MED27: variants seen among roughly 807,000 people sequenced by gnomAD.
MED27 encodes the protein mediator complex subunit 27, also known as mediator of RNA polymerase II transcription subunit 27.
MED27 carries 30 observed loss-of-function variants against 38.2 expected under a neutral mutation model. That is an observed-to-expected ratio of 0.79 (90% CI 0.59 to 1.07). The LOEUF (loss-of-function observed/expected upper bound fraction) is 1.07. Among genes scored for constraint, MED27 ranks in the 50% least tolerant of loss-of-function variants. The pLI is 0.00. For missense variants in MED27, 289 were observed against 397.5 expected (o/e 0.73, Z 2.32); for synonymous variants, 122 against 153.5 (o/e 0.79, Z 1.52).
At chr9:132,045,772 C>A (rs980315241) in intron 2 of MED27, among the ~76,000 whole-genome samples, 2 of 152,210 alleles carry the variant, frequency 1.3e-5, no homozygotes, top group African/African-American at 4.8e-5. Flanking sequence ...TGTTTCTCAA[C>A]AACCCTTGCA....
chr9:131,959,535 G>A (rs950470964), intron 3 of MED27, among the ~76,000 whole-genome samples: 1 of 152,126 alleles, frequency 6.6e-6, no homozygotes, highest in Non-Finnish European at 1.5e-5. Flanking sequence ...GGGCCACAGC[G>A]GGCAAATCAC....
At chr9:131,881,887 C>G (rs1167232329) in intron 6 of MED27, among the ~76,000 whole-genome samples, 1 of 147,440 alleles carries the variant, frequency 6.8e-6, no homozygotes, top group Non-Finnish European at 1.5e-5. Flanking sequence ...TCCCGCGTAG[C>G]TGGGATTACA....
intron 2 of MED27, among the ~76,000 whole-genome samples, chr9:132,064,129 GA>G (rs1833755852): frequency 1.3e-5 from 2 of 152,142 alleles, no homozygotes; most frequent in Non-Finnish European, 2.9e-5. Flanking sequence ...TCAATTCTGG[GA>G]AACATGCAGA....
chr9:131,899,586 T>C (rs1445059617), intron 4 of MED27, among the ~76,000 whole-genome samples: 1 of 152,192 alleles, frequency 6.6e-6, no homozygotes, highest in Non-Finnish European at 1.5e-5. Context: ...AGGCGATCCA[T>C]GTAAAACTTG....
chr9:131,929,357 A>G (rs1482226099), intron 4 of MED27, among the ~76,000 whole-genome samples: 1 of 152,056 alleles, frequency 6.6e-6, no homozygotes, highest in African/African-American at 2.4e-5. Context: ...AGTAAAAGGG[A>G]CTTTGCCTTG....
intron 2 of MED27, among the ~76,000 whole-genome samples, chr9:132,041,600 G>A (rs1231316098): frequency 6.6e-6 from 1 of 152,234 alleles, no homozygotes; most frequent in Non-Finnish European, 1.5e-5. Context: ...GGCCTGCAGT[G>A]CCCATGTGTG....
chr9:132,005,486 G>C (rs966460777), intron 3 of MED27, among the ~76,000 whole-genome samples: 1 of 152,134 alleles, frequency 6.6e-6, no homozygotes. Flanking sequence ...AAGGTGGCCT[G>C]GTAATGTCTA....
At chr9:131,879,936 C>G (rs1327676900) in intron 6 of MED27, among the ~76,000 whole-genome samples, 2 of 152,256 alleles carry the variant, frequency 1.3e-5, no homozygotes, top group Admixed American at 1.3e-4. Flanking sequence ...GAATCCTTCT[C>G]TTTTGGTGAT....
At chr9:131,878,000 C>T (rs543847386) in intron 6 of MED27, among the ~76,000 whole-genome samples, 45 of 152,134 alleles carry the variant, frequency 3.0e-4, no homozygotes, top group Admixed American at 1.5e-3. Context: ...ACAGGCCGGG[C>T]GCGGTGGCTC....
At chr9:131,951,982 A>G (rs553341679) in intron 3 of MED27, among the ~76,000 whole-genome samples, 188 of 152,344 alleles carry the variant, frequency 1.2e-3, no homozygotes, top group Middle Eastern at 6.8e-3. Context: ...CATATTTGGC[A>G]TGATCCTGAA....
At chr9:131,875,086 C>T (rs905126364) in intron 6 of MED27, among the ~76,000 whole-genome samples, 6 of 151,970 alleles carry the variant, frequency 3.9e-5, no homozygotes, top group Non-Finnish European at 7.4e-5. Context: ...GTGGGGGAAA[C>T]GGGAAATTGG....
At chr9:131,978,213 T>C (rs757271978) in intron 3 of MED27, among the ~76,000 whole-genome samples, 4 of 151,960 alleles carry the variant, frequency 2.6e-5, no homozygotes, top group Non-Finnish European at 5.9e-5. Flanking sequence ...ATCCAGACTA[T>C]GGAAAACAAC....
At position 131,913,707 on chromosome 9, in the gene MED27, T is replaced by A. The variant is rs1319255881; in HGVS notation, c.574-19715A>T. Among the ~76,000 whole-genome samples the A allele has an allele frequency of 2.0e-5, 3 of 152,168 alleles. No individual in the cohort carries two copies. The highest frequency in any genetic ancestry group is 7.2e-5 in the African/African-American group (3 of 41,424). ...CCATGGCTAGGTGGCAGTAGGTTTCTCCAGGTGTGGACCCCAGCCCAACTC... is the reference window on the plus strand; with the variant it reads ...CCATGGCTAGGTGGCAGTAGGTTTCACCAGGTGTGGACCCCAGCCCAACTC... On this transcript the variant is annotated intron_variant, in intron 4 of 7. Transcript: ENST00000292035. The surrounding 1 kb of genome is among the most constrained non-coding windows in gnomAD (Gnocchi z 4.5).
chr9:131,919,364 T>C (rs939809587), intron 4 of MED27, among the ~76,000 whole-genome samples: 45 of 151,754 alleles, frequency 3.0e-4, no homozygotes, highest in African/African-American at 1.1e-3. Context: ...TACAGGGAGG[T>C]TGGAGACTCT....
intron 3 of MED27, among the ~76,000 whole-genome samples, chr9:131,948,828 C>A (rs1200870153): frequency 6.6e-6 from 1 of 152,192 alleles, no homozygotes; most frequent in East Asian, 1.9e-4. Flanking sequence ...AGATGGGGAG[C>A]TTGATCCTGT....
chr9:132,033,360 C>T (rs1267439923), intron 2 of MED27, among the ~76,000 whole-genome samples: 2 of 152,230 alleles, frequency 1.3e-5, no homozygotes, highest in Non-Finnish European at 2.9e-5. Flanking sequence ...TTTTCACTTA[C>T]ACTCCATACT....
chr9:132,047,470 ACACAC>A (rs979947834), intron 2 of MED27, among the ~76,000 whole-genome samples: 1 of 151,306 alleles, frequency 6.6e-6, no homozygotes, highest in Non-Finnish European at 1.5e-5. Flanking sequence ...ACACACACAC[ACACAC>A]GTCTTAGTCC....
intron 2 of MED27, among the ~76,000 whole-genome samples, chr9:132,031,000 T>C (rs1007038335): frequency 1.3e-5 from 2 of 152,054 alleles, no homozygotes; most frequent in African/African-American, 4.8e-5. Flanking sequence ...GTTGGGAGGG[T>C]GGGAGAAGTC....
chr9:131,864,579 T>C (rs970039799), intron 6 of MED27, among the ~76,000 whole-genome samples: 1 of 152,252 alleles, frequency 6.6e-6, no homozygotes, highest in African/African-American at 2.4e-5. Flanking sequence ...CTAACTTGTG[T>C]AGACGTGTTC....
Sources: gnomAD v4.1 joint callset for allele counts (sites outside exome capture counted in the v4.1 genomes callset) on GRCh38, gnomAD v4.1.1 for gene constraint, Gnocchi (gnomAD v3.1) non-coding constraint, MANE v1.5 for transcripts, NCBI Gene and HGNC (gene_info 2026-07-23, HGNC 2026-07-21) for gene names.